MTMR7: variants seen among roughly 807,000 people sequenced by gnomAD.
The protein encoded by MTMR7 is phosphatidylinositol-3-phosphate phosphatase MTMR7.
A neutral mutation model predicts 81.2 loss-of-function variants in MTMR7; 76 were observed. The observed-to-expected ratio is 0.94, with a 90% CI of 0.78 to 1.13. MTMR7 has a LOEUF of 1.13. Ranked by LOEUF, MTMR7 falls within the 50% of genes most tolerant of loss-of-function variation. MTMR7 has a pLI of 0.00. For synonymous variants in MTMR7, 372 were observed against 289.8 expected (o/e 1.28, Z -2.88); for missense variants, 1,044 against 820.0 (o/e 1.27, Z -3.34).
intron 4 of MTMR7, among the ~76,000 whole-genome samples, chr8:17,349,734 TTTC>T (rs1465115532): frequency 6.6e-6 from 1 of 152,204 alleles, no homozygotes; most frequent in Non-Finnish European, 1.5e-5. Context: ...TTGATTTTTG[TTTC>T]TTATGTGTTG....
intron 8 of MTMR7, among the ~76,000 whole-genome samples, chr8:17,312,562 G>T (rs925656337): frequency 6.6e-5 from 8 of 120,618 alleles, no homozygotes; most frequent in African/African-American, 2.5e-4. Flanking sequence ...GTGACAGAGC[G>T]AGACTCCCTC....
chr8:17,331,868 G>A (rs887301054), intron 6 of MTMR7, among the ~76,000 whole-genome samples: 7 of 152,078 alleles, frequency 4.6e-5, no homozygotes, highest in East Asian at 1.9e-4. Context: ...TCCACCAGCC[G>A]CCTTATTTAA....
chr8:17,369,628 T>C (rs1820344995), intron 3 of MTMR7, among the ~76,000 whole-genome samples: 1 of 149,822 alleles, frequency 6.7e-6, no homozygotes, highest in Non-Finnish European at 1.5e-5. Context: ...TAGTAGAGTA[T>C]ATTTCTTTTT....
At chr8:17,300,260 T>C (rs1241737567) in intron 13 of MTMR7, 36 bp from the exon 14 acceptor site, 1 of 1,568,988 alleles carries the variant, frequency 6.4e-7, no homozygotes, top group Non-Finnish European at 8.6e-7. Flanking sequence ...GGAAAAATCA[T>C]AAATAACTTA....
intron 1 of MTMR7, among the ~76,000 whole-genome samples, 169 bp downstream of exon 1, chr8:17,413,100 G>C (rs529723222): frequency 2.6e-5 from 4 of 152,164 alleles, no homozygotes; most frequent in Admixed American, 6.5e-5. Flanking sequence ...GAGAACGACC[G>C]GGCTCGCAGG....
At chr8:17,352,125 C>A in intron 4 of MTMR7, among the ~76,000 whole-genome samples, 1 of 151,994 alleles carries the variant, frequency 6.6e-6, no homozygotes, top group East Asian at 1.9e-4. Flanking sequence ...CCAGGGACCC[C>A]AAATAGCAAA....
intron 7 of MTMR7, among the ~76,000 whole-genome samples, chr8:17,323,768 T>C (rs1586185971): frequency 6.6e-6 from 1 of 152,194 alleles, no homozygotes; most frequent in Non-Finnish European, 1.5e-5. Flanking sequence ...AAACCCCACC[T>C]AGAGCCTTAT....
chr8:17,407,315 T>A (rs1821616765), intron 1 of MTMR7, among the ~76,000 whole-genome samples: 1 of 152,018 alleles, frequency 6.6e-6, no homozygotes, highest in Admixed American at 6.5e-5. Flanking sequence ...CCCTTTAAAT[T>A]AGCAAAAAAT....
intron 10 of MTMR7, among the ~76,000 whole-genome samples, chr8:17,307,846 A>G (rs1200064851): frequency 6.6e-6 from 1 of 150,578 alleles, no homozygotes; most frequent in Admixed American, 6.6e-5. Flanking sequence ...ATGAGAACAC[A>G]AGGACACAGG....
chr8:17,344,926 T>G (rs1056400235), intron 5 of MTMR7, among the ~76,000 whole-genome samples: 1 of 152,054 alleles, frequency 6.6e-6, no homozygotes, highest in Non-Finnish European at 1.5e-5. Context: ...TACTGTAAAT[T>G]TGGGAGACCA....
intron 1 of MTMR7, among the ~76,000 whole-genome samples, chr8:17,389,901 C>T (rs957844852): frequency 3.9e-5 from 6 of 151,966 alleles, no homozygotes; most frequent in Non-Finnish European, 7.4e-5. Context: ...CACATTAAAC[C>T]GTTTCCTTTA....
intron 7 of MTMR7, among the ~76,000 whole-genome samples, chr8:17,322,787 T>G (rs1818465942): frequency 6.6e-6 from 1 of 152,098 alleles, no homozygotes; most frequent in African/African-American, 2.4e-5. Context: ...GTTGCATCAC[T>G]GCACTTCAGC....
intron 1 of MTMR7, among the ~76,000 whole-genome samples, chr8:17,384,664 A>G (rs1000829282): frequency 2.0e-5 from 3 of 152,216 alleles, no homozygotes; most frequent in African/African-American, 7.2e-5. Flanking sequence ...ATAATTACAG[A>G]AAAAGGGCAT....
chr8:17,299,241 A>G lies in MTMR7; in HGVS notation c.*621T>C, dbSNP rs1816939119. 2 of 152,296 alleles carry G rather than the reference A, an allele frequency of 1.3e-5. No individual in the cohort carries two copies. The highest frequency in any genetic ancestry group is 6.5e-5 in the Admixed American group (1 of 15,284). The allele number at this position is 152,296 out of a possible 1,614,324, so 9.4% of individuals were successfully genotyped here. ...TAAATAATGAGGAGAAACAGACTATAGATCTCAGAGAAAAGCAACAAAATT... is the reference window on the plus strand; with the variant it reads ...TAAATAATGAGGAGAAACAGACTATGGATCTCAGAGAAAAGCAACAAAATT... On this transcript the variant is annotated 3_prime_UTR_variant, in exon 14 of 14. Transcript: ENST00000180173.
chr8:17,298,032 T>C lies in MTMR7; in HGVS notation c.*1830A>G, dbSNP rs367807613. 6.6e-5 allele frequency: 10 copies of C among 152,214 alleles called. No homozygotes were observed. The highest frequency in any genetic ancestry group is 2.4e-4 in the African/African-American group (10 of 41,576). The allele number at this position is 152,214 out of a possible 1,614,324, so 9.4% of individuals were successfully genotyped here. A position where few individuals can be genotyped will look rare whatever the true frequency, so the allele number is the denominator to read the frequency against. On this transcript the variant is annotated 3_prime_UTR_variant, in exon 14 of 14. Coordinates refer to ENST00000180173, the MANE Select transcript of MTMR7 (RefSeq NM_004686.5). ...ATAGTGCTGTTTGGCATAGATACTTTGTCATTTTTTAAAAAATGTTTATTG... is the reference window on the plus strand; with the variant it reads ...ATAGTGCTGTTTGGCATAGATACTTCGTCATTTTTTAAAAAATGTTTATTG...
At chr8:17,396,369 C>T (rs1309312488) in intron 1 of MTMR7, among the ~76,000 whole-genome samples, 2 of 152,188 alleles carry the variant, frequency 1.3e-5, no homozygotes, top group Non-Finnish European at 1.5e-5. Flanking sequence ...ACCTGTCCCC[C>T]ATCCCCTGGT....
rs1248365307 is a variant in MTMR7 at position 17,298,205 on chromosome 8, T to G, written c.*1657A>C. The G allele has an allele frequency of 1.3e-5, 2 of 152,076 alleles. No individual in the cohort carries two copies. 9.4% of individuals were successfully genotyped at this position (152,076 alleles called of 1,614,324 possible). A position where few individuals can be genotyped will look rare whatever the true frequency, so the allele number is the denominator to read the frequency against. On this transcript the variant is annotated 3_prime_UTR_variant, in exon 14 of 14. Coordinates refer to ENST00000180173, the MANE Select transcript of MTMR7 (RefSeq NM_004686.5). ...AAATGTGAAAGCCATTACCACTATA[T>G]CCTAAGTTTTATTTTAGCAAGGTAT...
intron 7 of MTMR7, among the ~76,000 whole-genome samples, chr8:17,321,471 C>T (rs983147514): frequency 1.3e-5 from 2 of 152,188 alleles, no homozygotes; most frequent in Non-Finnish European, 2.9e-5. Context: ...CAAAGTTAAC[C>T]ACTGAGAGGG....
intron 6 of MTMR7, among the ~76,000 whole-genome samples, chr8:17,337,231 G>A (rs1819268932): frequency 6.6e-6 from 1 of 151,978 alleles, no homozygotes; most frequent in African/African-American, 2.4e-5. Flanking sequence ...CGGGCGTGGT[G>A]GCGGGCACCT....
Sources: gnomAD v4.1 joint callset for allele counts (sites outside exome capture counted in the v4.1 genomes callset) on GRCh38, gnomAD v4.1.1 for gene constraint, MANE v1.5 for transcripts, NCBI Gene and HGNC (gene_info 2026-07-23, HGNC 2026-07-21) for gene names.